The following PRKACA variants were observed in gnomAD, a reference collection of about 807,000 sequenced individuals.
PRKACA encodes the protein protein kinase cAMP-activated catalytic subunit alpha, also known as cAMP-dependent protein kinase catalytic subunit alpha.
Under a neutral mutation model 45.8 loss-of-function variants are expected in PRKACA, and 9 were observed. That is an observed-to-expected ratio of 0.20 (90% confidence interval 0.12 to 0.34). The LOEUF (loss-of-function observed/expected upper bound fraction) is 0.34. Among genes scored for constraint, PRKACA ranks in the 10% least tolerant of loss-of-function variants. The probability of loss-of-function intolerance (pLI) is 1.00; values close to 1 mark genes in which losing one functional copy is unlikely to be tolerated. For missense variants in PRKACA, 238 were observed against 458.6 expected, an observed-to-expected ratio of 0.52 and a Z score of 4.39; for synonymous variants, 160 against 178.6, an observed-to-expected ratio of 0.90 and a Z score of 0.83.
intron 3 of PRKACA, among the ~76,000 whole-genome samples, chr19:14,105,090 A>T (rs1305767593): frequency 2.0e-5 from 3 of 152,216 alleles, no homozygotes; most frequent in Non-Finnish European, 4.4e-5. Context: ...ACAGAAAAAA[A>T]GGAAATATTT....
rs770747549 is a variant in PRKACA, at chr19:14,097,588, G to T, written c.633C>A (p.Ile211=). 2 of 1,613,452 alleles carry T rather than the reference G, an allele frequency of 1.2e-6. No homozygotes were observed. Among genetic ancestry groups the T allele is most frequent in the South Asian group, 2.2e-5 (2 of 91,036 alleles). Residue 211 remains isoleucine (I), a synonymous_variant, in exon 7 of 10, where the codon ATC becomes ATA. Coordinates refer to ENST00000308677, the MANE Select transcript of PRKACA (RefSeq NM_002730.4). The surrounding 1 kb of genome is among the most constrained non-coding windows in gnomAD (Gnocchi z 5.4). The part of the protein sequence containing the change: ...GTPEYLAPEI[I]LSKGYNKAVD... Reference sequence around the variant, plus strand: ...CTGGGGAGGCTCCTACTTTGCTCAGGATAATCTCAGGGGCCAGGTACTCAG... The same window carrying T: ...CTGGGGAGGCTCCTACTTTGCTCAGTATAATCTCAGGGGCCAGGTACTCAG...
chr19:14,103,960 G>A (rs1977522839), intron 3 of PRKACA, among the ~76,000 whole-genome samples: 1 of 152,132 alleles, frequency 6.6e-6, no homozygotes, highest in Non-Finnish European at 1.5e-5. Context: ...TATGGTCCCA[G>A]CAGCTCCAGA....
chr19:14,092,568 GTTGT>G lies in PRKACA; in HGVS notation c.*540_*543del, dbSNP rs1977111036. The G allele has an allele frequency of 2.5e-6, 1 of 398,632 alleles. No homozygotes were observed. The highest frequency in any genetic ancestry group is 2.1e-5 in the African/African-American group (1 of 48,542). The allele number at this position is 398,632 out of a possible 1,614,324, so 24.7% of individuals were successfully genotyped here. On this transcript the variant is annotated 3_prime_UTR_variant, in exon 10 of 10. Transcript: ENST00000308677. ...TGGAACTTAAATAAGATTTTAAATT[GTTGT>G]TTTTTTAAAAAAATTCTAGCAAGCA...
At chr19:14,102,235 C>T (rs183237260) in intron 4 of PRKACA, among the ~76,000 whole-genome samples, 2 of 152,250 alleles carry the variant, frequency 1.3e-5, no homozygotes, top group Admixed American at 1.3e-4. Context: ...TGGGGTCCCT[C>T]GGAGAACAGG....
Position 14,102,890 on chromosome 19 carries a change from G to T in PRKACA, c.262C>A (p.His88Asn). ...QKVVKLKQIE[H>N]TLNEKRILQA... The stretch of plus-strand genomic sequence containing the variant: ...AGGATGCGCTTTTCATTCAGGGTGT[G>T]TTCGATCTGTTTCAGTTTCACCACC... Residue 88 changes from histidine to asparagine, a missense_variant, in exon 4 of 10, where the codon CAC becomes AAC. By Grantham distance (68) the His-to-Asn change is moderately conservative. Coordinates refer to ENST00000308677, the MANE Select transcript of PRKACA (RefSeq NM_002730.4). The T allele has an allele frequency of 6.2e-7, 1 of 1,614,132 alleles. No individual in the cohort carries two copies. The highest frequency in any genetic ancestry group is 8.5e-7 in the Non-Finnish European group (1 of 1,179,980).
At chr19:14,108,904 G>GTTT (rs1181652493) in intron 1 of PRKACA, among the ~76,000 whole-genome samples, 1 of 149,496 alleles carries the variant, frequency 6.7e-6, no homozygotes, top group Non-Finnish European at 1.5e-5. Context: ...ATTTTGGTAT[G>GTTT]TTTAGTAGAG....
At chr19:14,093,568 T>C (rs1180243276) in intron 9 of PRKACA, 60 bp downstream of exon 9, 1 of 1,549,550 alleles carries the variant, frequency 6.5e-7, no homozygotes, top group Non-Finnish European at 8.8e-7. Context: ...CTATTGGCTG[T>C]CCTCCCTGAC....
chr19:14,095,152 T>A (rs1458712386), intron 8 of PRKACA, among the ~76,000 whole-genome samples: 2 of 151,798 alleles, frequency 1.3e-5, no homozygotes, highest in Non-Finnish European at 2.9e-5. Flanking sequence ...TTTCCCACTC[T>A]GGGACATTTT....
intron 1 of PRKACA, among the ~76,000 whole-genome samples, chr19:14,116,698 A>G (rs1967113742): frequency 6.6e-6 from 1 of 152,090 alleles, no homozygotes; most frequent in African/African-American, 2.4e-5. Context: ...AGAGGATGCA[A>G]TGAATCCCAA....
intron 1 of PRKACA, among the ~76,000 whole-genome samples, chr19:14,111,947 T>C (rs1454079294): frequency 1.3e-5 from 2 of 152,192 alleles, no homozygotes; most frequent in East Asian, 1.9e-4. Context: ...AAGGAAAGAA[T>C]TGCTGAATCC....
At chr19:14,111,845 A>G (rs1568538429) in intron 1 of PRKACA, among the ~76,000 whole-genome samples, 1 of 152,100 alleles carries the variant, frequency 6.6e-6, no homozygotes, top group African/African-American at 2.4e-5. Flanking sequence ...CCCTCTTGGG[A>G]TTCTACCTTC....
In PRKACA at chr19:14,097,866, C is replaced by T; in HGVS notation, c.444G>A (p.Ala148=). 1 of 1,614,078 alleles carries T rather than the reference C, an allele frequency of 6.2e-7. No individual in the cohort carries two copies. Among genetic ancestry groups the T allele is most frequent in the Non-Finnish European group, 8.5e-7 (1 of 1,180,022 alleles). ...RFSEPHARFY[A]AQIVLTFEYL... ...ACTCAAAGGTCAGGACGATCTGGGC[C>T]GCGTAGAAACGGGCATGGGGCTCAC... Residue 148 remains alanine (A), a synonymous_variant, in exon 6 of 10, where the codon GCG becomes GCA. Coordinates refer to ENST00000308677, the MANE Select transcript of PRKACA (RefSeq NM_002730.4). This position sits in a 1 kb window ranked among gnomAD's most constrained non-coding sequence, Gnocchi z 5.4.
intron 1 of PRKACA, among the ~76,000 whole-genome samples, chr19:14,114,871 C>T (rs931655395): frequency 6.6e-6 from 1 of 152,186 alleles, no homozygotes; most frequent in Non-Finnish European, 1.5e-5. Flanking sequence ...GATGGTACCA[C>T]AGGGGACTGC....
intron 1 of PRKACA, among the ~76,000 whole-genome samples, chr19:14,111,986 G>A (rs1814014814): frequency 6.6e-6 from 1 of 152,210 alleles, no homozygotes. Context: ...TGAGCTCCCA[G>A]CCCCTGGCTG....
At position 14,093,757 on chromosome 19, in the gene PRKACA, C is replaced by T. The variant is rs1416660369; in HGVS notation, c.801G>A (p.Lys267=). The T allele has an allele frequency of 3.1e-6, 5 of 1,613,878 alleles. No individual in the cohort carries two copies. Among genetic ancestry groups the T allele is most frequent in the African/African-American group, 2.7e-5 (2 of 74,914 alleles). ...CCTGCAGGAGGTTCCGCAGCAGGTCCTTCAAGTCAGAGCTGAAGTGGGAAG... is the reference window on the plus strand; with the variant it reads ...CCTGCAGGAGGTTCCGCAGCAGGTCTTTCAAGTCAGAGCTGAAGTGGGAAG... The part of the protein sequence containing the change: ...RFPSHFSSDL[K]DLLRNLLQVD... Residue 267 remains lysine, a synonymous_variant, in exon 9 of 10, where the codon AAG becomes AAA. Transcript: ENST00000308677.
At position 14,092,780 on chromosome 19, in the gene PRKACA, G is replaced by T. The variant is rs1460136913; in HGVS notation, c.*332C>A. The stretch of plus-strand genomic sequence containing the variant: ...CCATACCCTGTCCCTGGATACACCA[G>T]CAAGACCTGGTCTGACTGGAGTTGA... On this transcript the variant is annotated 3_prime_UTR_variant, in exon 10 of 10. Coordinates refer to ENST00000308677, the MANE Select transcript of PRKACA (RefSeq NM_002730.4). The T allele has an allele frequency of 2.2e-6, 1 of 445,672 alleles. No individual in the cohort carries two copies. Among genetic ancestry groups the T allele is most frequent in the Non-Finnish European group, 4.0e-6 (1 of 251,488 alleles). The allele number at this position is 445,672 out of a possible 1,614,324, so 27.6% of individuals were successfully genotyped here. A position where few individuals can be genotyped will look rare whatever the true frequency, so the allele number is the denominator to read the frequency against.
chr19:14,104,351 A>G (rs1977540733), intron 3 of PRKACA, among the ~76,000 whole-genome samples: 1 of 149,828 alleles, frequency 6.7e-6, no homozygotes, highest in African/African-American at 2.5e-5. Flanking sequence ...AAAAAAAAAA[A>G]AAAACAACAA....
Position 14,106,757 on chromosome 19 carries a change from C to T in PRKACA, c.237+3G>A. 6.2e-7 allele frequency: 1 copy of T among 1,614,164 alleles called. No individual in the cohort carries two copies. Among genetic ancestry groups the T allele is most frequent in the Non-Finnish European group, 8.5e-7 (1 of 1,179,992 alleles). On this transcript the variant is annotated splice_donor_region_variant and intron_variant, in intron 3 of 9. Coordinates refer to ENST00000308677, the MANE Select transcript of PRKACA (RefSeq NM_002730.4). ...GGCCCTGAGCGAGGACAGGCCACCT[C>T]ACCTTCTGTTTGTCGAGGATCTTCA...
rs1219314254 is a variant in PRKACA at position 14,116,306 on chromosome 19, C to T, written c.46+1196G>A. On this transcript the variant is annotated intron_variant, in intron 1 of 9. Coordinates refer to ENST00000308677, the MANE Select transcript of PRKACA (RefSeq NM_002730.4). ...GTATTTCCAGATAGAGAATCTCTTT[C>T]TCTGGCTGGCTGGAAAAGACCAACC... Among the ~76,000 whole-genome samples, 4 of 152,152 alleles carry T rather than the reference C, an allele frequency of 2.6e-5. No homozygotes were observed. In the East Asian group the frequency reaches 7.7e-4, roughly 29 times the overall value.
Sources: allele counts gnomAD v4.1 joint callset (sites outside exome capture counted in the v4.1 genomes callset), GRCh38; gene constraint gnomAD v4.1.1; non-coding constraint Gnocchi (gnomAD v3.1); transcripts MANE v1.5; gene names NCBI Gene and HGNC (gene_info 2026-07-23, HGNC 2026-07-21).